Variants in PRR16 observed in about 807,000 individuals in gnomAD.
PRR16 encodes the protein proline rich 16, also known as protein Largen.
A neutral mutation model predicts 18.2 loss-of-function variants in PRR16; 6 were observed. The ratio of observed to expected loss-of-function variants is 0.33; its 90% confidence interval spans 0.18 to 0.65. PRR16 has a LOEUF of 0.65. PRR16 is among the 30% of genes least tolerant of loss of function. The pLI, the probability that PRR16 is intolerant of heterozygous loss-of-function variation, is 0.74. For synonymous variants in PRR16, 151 were observed against 147.8 expected (o/e 1.02, Z -0.16); for missense variants, 412 against 376.6 (o/e 1.09, Z -0.78).
chr5:120,496,880 A>G (rs1461139510), intron 1 of PRR16, among the ~76,000 whole-genome samples: 3 of 151,978 alleles, frequency 2.0e-5, no homozygotes, highest in Non-Finnish European at 4.4e-5. Context: ...GCTGTTCTCC[A>G]CATATAGTGA....
the PRR16 span, among the ~76,000 whole-genome samples, chr5:120,742,057 T>G: frequency 6.6e-6 from 1 of 152,154 alleles, no homozygotes; most frequent in Non-Finnish European, 1.5e-5. Context: ...AGCATTTGTT[T>G]GATACATCTT....
chr5:120,564,623 A>G (rs889719031), intron 1 of PRR16, among the ~76,000 whole-genome samples: 8 of 151,720 alleles, frequency 5.3e-5, no homozygotes, highest in Admixed American at 1.3e-4. Context: ...CACAGCCACT[A>G]TTGGGGGGTG....
chr5:120,568,457 A>C (rs925587587), intron 1 of PRR16, among the ~76,000 whole-genome samples: 4 of 152,202 alleles, frequency 2.6e-5, no homozygotes, highest in African/African-American at 7.2e-5. Flanking sequence ...GAAAGAAAAC[A>C]AAATAAAGTT....
At position 120,637,327 on chromosome 5, in the gene PRR16, A is replaced by AAAAC. The variant is rs1394391248; in HGVS notation, c.160-48624_160-48623insCAAA. ...GTAAGCCATTATACGGAAAAAAAAA[A>AAAAC]AAAAAAAAAAAAAAAACTTGCACAC... On this transcript the variant is annotated intron_variant, in intron 1 of 1. Transcript: ENST00000407149. 7.3e-5 allele frequency among the ~76,000 whole-genome samples: 11 copies of AAAAC among 150,004 alleles called. 1 individual carries two copies. Among genetic ancestry groups the AAAAC allele is most frequent in the Non-Finnish European group, 1.2e-4 (8 of 67,356 alleles).
chr5:120,604,200 G>T (rs756600065), intron 1 of PRR16, among the ~76,000 whole-genome samples: 69 of 151,880 alleles, frequency 4.5e-4, no homozygotes, highest in Non-Finnish European at 6.8e-4. Flanking sequence ...TTCTCTGTAG[G>T]TCTCTAAGAA....
intron 1 of PRR16, among the ~76,000 whole-genome samples, chr5:120,624,237 C>CA (rs1391789353): frequency 6.6e-6 from 1 of 152,072 alleles, no homozygotes; most frequent in African/African-American, 2.4e-5. Flanking sequence ...AGTTTTTCAT[C>CA]ATTACACTCA....
At chr5:120,728,810 C>A in the PRR16 span, among the ~76,000 whole-genome samples, 4 of 152,290 alleles carry the variant, frequency 2.6e-5, no homozygotes, top group South Asian at 8.3e-4. Flanking sequence ...ACTTTGAAAT[C>A]ATATGTCGGT....
intron 1 of PRR16, among the ~76,000 whole-genome samples, chr5:120,469,385 A>C (rs1358772005): frequency 6.6e-6 from 1 of 152,176 alleles, no homozygotes; most frequent in East Asian, 1.9e-4. Context: ...GCAGTGTTAG[A>C]GATCTTGGCT....
the PRR16 span, among the ~76,000 whole-genome samples, chr5:120,698,734 T>A: frequency 1.3e-5 from 2 of 152,024 alleles, no homozygotes; most frequent in African/African-American, 4.8e-5. Context: ...GATGCGAAAG[T>A]GGTAAAAGTA....
the PRR16 span, among the ~76,000 whole-genome samples, chr5:120,701,429 C>T: frequency 2.0e-5 from 3 of 152,034 alleles, no homozygotes; most frequent in South Asian, 6.2e-4. Flanking sequence ...AAACGCTATC[C>T]GATTTGGGAT....
intron 1 of PRR16, among the ~76,000 whole-genome samples, chr5:120,494,222 A>T (rs1750164166): frequency 1.3e-5 from 2 of 152,102 alleles, no homozygotes; most frequent in South Asian, 4.1e-4. Context: ...TTTTCTAGTT[A>T]TTCTGAGTGT....
intron 1 of PRR16, among the ~76,000 whole-genome samples, chr5:120,627,719 A>G (rs1754912861): frequency 6.6e-6 from 1 of 152,084 alleles, no homozygotes; most frequent in African/African-American, 2.4e-5. Flanking sequence ...GCTTTTTACA[A>G]AAGGTGTAAT....
At chr5:120,699,314 G>A in the PRR16 span, among the ~76,000 whole-genome samples, 6 of 152,156 alleles carry the variant, frequency 3.9e-5, no homozygotes, top group African/African-American at 7.2e-5. Context: ...GGTGTGTGGC[G>A]ATTAGGCCTG....
intron 1 of PRR16, among the ~76,000 whole-genome samples, chr5:120,631,816 C>T (rs1194427682): frequency 6.6e-6 from 1 of 152,132 alleles, no homozygotes; most frequent in East Asian, 1.9e-4. Flanking sequence ...CACCCACCAC[C>T]TGAGAATCCT....
intron 1 of PRR16, among the ~76,000 whole-genome samples, chr5:120,654,074 A>G (rs1247301989): frequency 6.6e-6 from 1 of 152,098 alleles, no homozygotes; most frequent in East Asian, 1.9e-4. Flanking sequence ...GTGACAGATA[A>G]TGTAGACCCA....
chr5:120,643,267 T>C (rs1250763040), intron 1 of PRR16, among the ~76,000 whole-genome samples: 3 of 152,086 alleles, frequency 2.0e-5, no homozygotes, highest in Non-Finnish European at 2.9e-5. Flanking sequence ...AGATTTTCTT[T>C]TTAGCTTCTC....
At chr5:120,715,832 G>T in the PRR16 span, among the ~76,000 whole-genome samples, 1 of 152,096 alleles carries the variant, frequency 6.6e-6, no homozygotes, top group African/African-American at 2.4e-5. Flanking sequence ...ATAATACAGG[G>T]AGACATTTAT....
intron 1 of PRR16, among the ~76,000 whole-genome samples, chr5:120,588,781 G>A (rs963030294): frequency 1.3e-5 from 2 of 151,260 alleles, no homozygotes; most frequent in African/African-American, 4.8e-5. Context: ...TGAATGTAGA[G>A]CACAAATTCT....
chr5:120,699,819 GC>G, the PRR16 span, among the ~76,000 whole-genome samples: 11 of 152,316 alleles, frequency 7.2e-5, no homozygotes, highest in African/African-American at 2.4e-4. Flanking sequence ...TGTAGAAGGT[GC>G]TGGGGTTTGA....
Sources: allele counts gnomAD v4.1 joint callset (sites outside exome capture counted in the v4.1 genomes callset), GRCh38; gene constraint gnomAD v4.1.1; transcripts MANE v1.5; gene names NCBI Gene and HGNC (gene_info 2026-07-23, HGNC 2026-07-21).